Variants in CCNG2 observed in about 807,000 individuals in gnomAD.
CCNG2 encodes the protein cyclin G2, also known as cyclin-G2.
A neutral mutation model predicts 36.5 loss-of-function variants in CCNG2; 20 were observed. That is an observed-to-expected ratio of 0.55 (90% CI 0.39 to 0.80). The LOEUF (loss-of-function observed/expected upper bound fraction) is 0.80. Among genes scored for constraint, CCNG2 ranks in the 30% least tolerant of loss-of-function variants. CCNG2 has a pLI of 0.00. For missense variants in CCNG2, 358 were observed against 390.8 expected, an observed-to-expected ratio of 0.92 and a Z score of 0.71; for synonymous variants, 155 against 140.1, an observed-to-expected ratio of 1.11 and a Z score of -0.75.
At chr4:77,163,922 C>T (rs1473045507) in intron 6 of CCNG2, among the ~76,000 whole-genome samples, 1 of 152,178 alleles carries the variant, frequency 6.6e-6, no homozygotes, top group Non-Finnish European at 1.5e-5. Context: ...TACTTGATAG[C>T]TGATTTATTA....
At chr4:77,157,891 A>T (rs1227000035) in intron 1 of CCNG2, among the ~76,000 whole-genome samples, 1 of 150,896 alleles carries the variant, frequency 6.6e-6, no homozygotes, top group Non-Finnish European at 1.5e-5. Context: ...GGCGGGCTGG[A>T]CTGGACTTCT....
At chr4:77,161,938 G>T (rs1039488830) in intron 6 of CCNG2, among the ~76,000 whole-genome samples, 191 bp downstream of exon 6, 1 of 152,124 alleles carries the variant, frequency 6.6e-6, no homozygotes, top group Non-Finnish European at 1.5e-5. Context: ...AAGGGAACCT[G>T]GTCACTTAGC....
At position 77,160,984 on chromosome 4, in the gene CCNG2, AAAG is replaced by A; in HGVS notation, c.527+15_527+17del. The A allele has an allele frequency of 6.3e-7, 1 of 1,585,304 alleles. No individual in the cohort carries two copies. Among genetic ancestry groups the A allele is most frequent in the African/African-American group, 1.3e-5 (1 of 74,578 alleles). On this transcript the variant is annotated intron_variant, in intron 4 of 7. Coordinates refer to ENST00000316355, the MANE Select transcript of CCNG2 (RefSeq NM_004354.3). ...ATACTTCAGAAAGGTCAGTGGGATT[AAAG>A]ATACATTTTGTACTTTGAACATTGC...
At chr4:77,161,106 T>TTTC in intron 4 of CCNG2, 135 bp downstream of exon 4, 1 of 751,222 alleles carries the variant, frequency 1.3e-6, no homozygotes, top group Non-Finnish European at 2.0e-6. Context: ...AATCTTTTTT[T>TTTC]TTTTTTTTTT....
In CCNG2 at chr4:77,165,812, G is replaced by A; in HGVS notation, c.923G>A (p.Cys308Tyr). ...CTTTTTCTCTTTAGTGAGGACTCTT[G>A]TGAAGATATGAGTTGTGGAGAGGAG... ...CFDESESEDS[C>Y]EDMSCGEESL... is the part of the protein sequence containing the mutation. The change falls in exon 8 of 8, where the codon TGT becomes TAT. Residue 308 changes from cysteine to tyrosine, a missense_variant. Coordinates refer to ENST00000316355, the MANE Select transcript of CCNG2 (RefSeq NM_004354.3). 1 of 1,593,638 alleles carries A rather than the reference G, an allele frequency of 6.3e-7. No homozygotes were observed. Among genetic ancestry groups the A allele is most frequent in the Non-Finnish European group, 8.5e-7 (1 of 1,173,050 alleles).
At chr4:77,164,765 C>A in intron 7 of CCNG2, 2 of 227,630 alleles carry the variant, frequency 8.8e-6, no homozygotes, top group Admixed American at 5.3e-5. Context: ...TACATACTCC[C>A]AGGCTCAAGT....
Position 77,157,319 on chromosome 4 carries a change from G to C in CCNG2, c.-188G>C, listed in dbSNP as rs914465369. On this transcript the variant is annotated 5_prime_UTR_variant, in exon 1 of 8. Transcript: ENST00000316355. ...CGCCGCGGCGGAGGGTGGGCGCGCG[G>C]GGAGCGGGATGGAGCCGGGGCTGTG... is the stretch of plus-strand genomic sequence containing the variant. 7 of 152,646 alleles carry C rather than the reference G, an allele frequency of 4.6e-5. No homozygotes were observed. The highest frequency in any genetic ancestry group is 1.7e-4 in the African/African-American group (7 of 41,558). 9.5% of individuals were successfully genotyped at this position (152,646 alleles called of 1,614,324 possible).
rs1037506477 is a variant in CCNG2 at position 77,168,823 on chromosome 4, C to A, written c.*2899C>A. On this transcript the variant is annotated 3_prime_UTR_variant, in exon 8 of 8. Transcript: ENST00000316355. ...GACTGTGATGAATAAAATTGAGAAG[C>A]CCCTGCCCTTTTCAGAGCAGAGGGT... 6.6e-6 allele frequency: 1 copy of A among 152,230 alleles called. No homozygotes were observed. Among genetic ancestry groups the A allele is most frequent in the African/African-American group, 2.4e-5 (1 of 41,450 alleles). The allele number at this position is 152,230 out of a possible 1,614,324, so 9.4% of individuals were successfully genotyped here. A position where few individuals can be genotyped will look rare whatever the true frequency, so the allele number is the denominator to read the frequency against.
Position 77,157,458 on chromosome 4 carries a change from C to T in CCNG2, c.-49C>T, listed in dbSNP as rs1281348062. 2.0e-5 allele frequency: 3 copies of T among 152,308 alleles called. No homozygotes were observed. The highest frequency in any genetic ancestry group is 3.9e-4 in the East Asian group (2 of 5,180). 9.4% of individuals were successfully genotyped at this position (152,308 alleles called of 1,614,324 possible). ...TTTGGAAGCCCCCGCTGCGCCCAGT[C>T]CGTGCGGACCGCGAGGCCGCGGGCG... is the stretch of plus-strand genomic sequence containing the variant. On this transcript the variant is annotated 5_prime_UTR_variant, in exon 1 of 8. Transcript: ENST00000316355.
In CCNG2 at chr4:77,166,149, C is replaced by T. The variant is rs1731629251; in HGVS notation, c.*225C>T. 6.2e-6 allele frequency: 2 copies of T among 322,016 alleles called. No homozygotes were observed. The highest frequency in any genetic ancestry group is 4.9e-5 in the Admixed American group (1 of 20,602). 19.9% of individuals were successfully genotyped at this position (322,016 alleles called of 1,614,324 possible). On this transcript the variant is annotated 3_prime_UTR_variant, in exon 8 of 8. Transcript: ENST00000316355. ...ATTAACAGTACTTTAGACATTGGCA[C>T]TTTATTTTTCTCGTAGATCTTTAGC...
Position 77,158,074 on chromosome 4 carries a change from G to C in CCNG2, c.1-459G>C, listed in dbSNP as rs568993724. Among the ~76,000 whole-genome samples, 3 of 152,110 alleles carry C rather than the reference G, an allele frequency of 2.0e-5. No individual in the cohort carries two copies. In the South Asian group the frequency reaches 6.2e-4, roughly 32 times the overall value. ...GGCGCCCCGGGCGGGCGGGGCTCGG[G>C]AGTCTCCTCCCTCCGCTTCTTTGTT... On this transcript the variant is annotated intron_variant, in intron 1 of 7. Coordinates refer to ENST00000316355, the MANE Select transcript of CCNG2 (RefSeq NM_004354.3).
At chr4:77,159,289 C>T (rs1009758550) in intron 2 of CCNG2, 78 bp from the exon 3 acceptor site, 1 of 1,361,098 alleles carries the variant, frequency 7.3e-7, no homozygotes, top group Non-Finnish European at 1.0e-6. Context: ...AAAAATTAAC[C>T]TTATTCTTTG....
rs1203824666 is a variant in CCNG2 at position 77,166,129 on chromosome 4, C to G, written c.*205C>G. 2 of 395,188 alleles carry G rather than the reference C, an allele frequency of 5.1e-6. No individual in the cohort carries two copies. The highest frequency in any genetic ancestry group is 8.9e-6 in the Non-Finnish European group (2 of 224,178). The allele number at this position is 395,188 out of a possible 1,614,324, so 24.5% of individuals were successfully genotyped here. On this transcript the variant is annotated 3_prime_UTR_variant, in exon 8 of 8. Coordinates refer to ENST00000316355, the MANE Select transcript of CCNG2 (RefSeq NM_004354.3). ...GGGGTAGTGCCTCTTAAACCATTAA[C>G]AGTACTTTAGACATTGGCACTTTAT...
chr4:77,158,362 G>T (rs1731330037), intron 1 of CCNG2, 171 bp from the exon 2 acceptor site: 31 of 616,514 alleles, frequency 5.0e-5, no homozygotes, highest in Non-Finnish European at 1.7e-5. Context: ...CTCCCTGGCC[G>T]TGGTGGGGAT....
chr4:77,159,050 C>T (rs1393593973), intron 2 of CCNG2, among the ~76,000 whole-genome samples: 4 of 152,100 alleles, frequency 2.6e-5, no homozygotes, highest in Non-Finnish European at 5.9e-5. Context: ...ACAAAAGAAC[C>T]CTTTCTCTCC....
intron 3 of CCNG2, 24 bp from the exon 4 acceptor site, chr4:77,160,697 A>G (rs1367835621): frequency 1.9e-6 from 3 of 1,603,266 alleles, no homozygotes; most frequent in South Asian, 1.1e-5. Context: ...AGTTGTTAAA[A>G]GAAGCCTCTT....
chr4:77,160,527 T>C (rs1244612327), intron 3 of CCNG2, among the ~76,000 whole-genome samples, 194 bp from the exon 4 acceptor site: 1 of 130,006 alleles, frequency 7.7e-6, no homozygotes, highest in African/African-American at 3.5e-5. Flanking sequence ...GCTGCCTTTT[T>C]TTTTGGGGGG....
chr4:77,168,941 A>T lies in CCNG2; in HGVS notation c.*3017A>T, dbSNP rs1175648501. 3 of 152,222 alleles carry T rather than the reference A, an allele frequency of 2.0e-5. No individual in the cohort carries two copies. The highest frequency in any genetic ancestry group is 7.2e-5 in the African/African-American group (3 of 41,422). 9.4% of individuals were successfully genotyped at this position (152,222 alleles called of 1,614,324 possible). Reference sequence around the variant, plus strand: ...GGTTTTGATCCTGTCATTTTCTAGGATGTGGTGCACGCACTTTGCTGTTGC... The same window carrying T: ...GGTTTTGATCCTGTCATTTTCTAGGTTGTGGTGCACGCACTTTGCTGTTGC... On this transcript the variant is annotated 3_prime_UTR_variant, in exon 8 of 8. Transcript: ENST00000316355.
In CCNG2 at chr4:77,158,741, G is replaced by A. The variant is rs141389944; in HGVS notation, c.138+71G>A. ...TGGAGGAGGTAACCCCCCCGCCCCC[G>A]TTGAATCATGACTAAAGCCTGCAAA... On this transcript the variant is annotated intron_variant, in intron 2 of 7. Coordinates refer to ENST00000316355, the MANE Select transcript of CCNG2 (RefSeq NM_004354.3). 9.8e-3 allele frequency: 15,110 copies of A among 1,535,316 alleles called. 98 individuals carry two copies. Among genetic ancestry groups the A allele is most frequent in the Non-Finnish European group, 0.012 (13,982 of 1,119,944 alleles).
Sources: allele counts gnomAD v4.1 joint callset (sites outside exome capture counted in the v4.1 genomes callset), GRCh38; gene constraint gnomAD v4.1.1; transcripts MANE v1.5; gene names NCBI Gene and HGNC (gene_info 2026-07-23, HGNC 2026-07-21).